Variants in PPA1 observed in about 807,000 individuals in gnomAD.
PPA1 encodes inorganic pyrophosphatase 1.
A neutral mutation model predicts 41.8 loss-of-function variants in PPA1; 23 were observed. That is an observed-to-expected ratio of 0.55 (90% CI 0.40 to 0.78). The LOEUF (loss-of-function observed/expected upper bound fraction) is 0.78, where lower values mean the gene tolerates loss of function less well. Among genes scored for constraint, PPA1 ranks in the 30% least tolerant of loss-of-function variants. The pLI is 0.00. For missense variants in PPA1, 320 were observed against 361.6 expected (o/e 0.89, Z 0.93); for synonymous variants, 101 against 116.8 (o/e 0.86, Z 0.87).
intron 1 of PPA1, among the ~76,000 whole-genome samples, chr10:70,233,004 C>T (rs1196392916): frequency 6.6e-6 from 1 of 152,192 alleles, no homozygotes; most frequent in Non-Finnish European, 1.5e-5. Context: ...ACTAGCTGGG[C>T]CCAGGTTCGG....
chr10:70,206,614 G>A (rs916555736), intron 8 of PPA1, among the ~76,000 whole-genome samples: 9 of 151,886 alleles, frequency 5.9e-5, no homozygotes, highest in Admixed American at 3.9e-4. Flanking sequence ...GGGAGGCTGA[G>A]GCAGGCGGAT....
At position 70,206,152 on chromosome 10, in the gene PPA1, T is replaced by G. The variant is rs577408819; in HGVS notation, c.795+112A>C. The G allele has an allele frequency of 1.0e-5, 8 of 801,468 alleles. No individual in the cohort carries two copies. The African/African-American group carries it at 1.4e-4, about 14-fold the overall frequency. The allele number at this position is 801,468 out of a possible 1,614,324, so 49.6% of individuals were successfully genotyped here. A position where few individuals can be genotyped will look rare whatever the true frequency, so the allele number is the denominator to read the frequency against. On this transcript the variant is annotated intron_variant, in intron 9 of 10. Transcript: ENST00000373232. ...AATTTCAAGACTCCACACAGTAACA[T>G]GCATACAAAAGGCACTCAAGTATTT... is the stretch of plus-strand genomic sequence containing the variant.
At chr10:70,225,044 C>A (rs1840213361) in intron 2 of PPA1, among the ~76,000 whole-genome samples, 1 of 152,286 alleles carries the variant, frequency 6.6e-6, no homozygotes, top group African/African-American at 2.4e-5. Context: ...AGATTTATTT[C>A]TAACCCTGGA....
chr10:70,219,564 C>G (rs890777960), intron 2 of PPA1, among the ~76,000 whole-genome samples: 1 of 152,138 alleles, frequency 6.6e-6, no homozygotes, highest in Admixed American at 6.6e-5. Flanking sequence ...CTTCATTATC[C>G]ACATTATTCT....
chr10:70,228,748 G>T (rs1589899428), intron 2 of PPA1, among the ~76,000 whole-genome samples: 1 of 152,146 alleles, frequency 6.6e-6, no homozygotes, highest in East Asian at 1.9e-4. Context: ...CCTCTAATTG[G>T]AGTCTTACCC....
At chr10:70,208,021 C>T (rs928241189) in intron 8 of PPA1, among the ~76,000 whole-genome samples, 5 of 152,130 alleles carry the variant, frequency 3.3e-5, no homozygotes, top group African/African-American at 1.2e-4. Flanking sequence ...AAAACCCCGT[C>T]TCTACTAAAA....
chr10:70,213,899 G>T (rs1021418710), intron 5 of PPA1, among the ~76,000 whole-genome samples: 2 of 152,050 alleles, frequency 1.3e-5, no homozygotes, highest in Admixed American at 1.3e-4. Flanking sequence ...TCTCAAATAC[G>T]TATCTTAATA....
At chr10:70,207,850 C>A (rs2136752571) in intron 8 of PPA1, among the ~76,000 whole-genome samples, 1 of 152,078 alleles carries the variant, frequency 6.6e-6, no homozygotes, top group Admixed American at 6.5e-5. Context: ...TTCAAGTTTT[C>A]CTATATATTA....
At chr10:70,215,682 T>C (rs1002982305) in intron 4 of PPA1, among the ~76,000 whole-genome samples, 1 of 152,018 alleles carries the variant, frequency 6.6e-6, no homozygotes, top group African/African-American at 2.4e-5. Flanking sequence ...GGTTTCACCA[T>C]GTTGGCCAGA....
chr10:70,232,354 C>G (rs1338396931), intron 1 of PPA1, among the ~76,000 whole-genome samples: 1 of 152,136 alleles, frequency 6.6e-6, no homozygotes, highest in Non-Finnish European at 1.5e-5. Flanking sequence ...TCCGTTATCG[C>G]CCATAATCTA....
At chr10:70,228,882 A>AT (rs1840259243) in intron 2 of PPA1, among the ~76,000 whole-genome samples, 1 of 152,250 alleles carries the variant, frequency 6.6e-6, no homozygotes, top group South Asian at 2.1e-4. Flanking sequence ...CCAGAAAAAC[A>AT]GTAAGACAGC....
chr10:70,217,961 T>A (rs201318676), intron 3 of PPA1, 30 bp from the exon 4 acceptor site: 6 of 1,504,186 alleles, frequency 4.0e-6, no homozygotes, highest in Non-Finnish European at 5.4e-6. Context: ...AATCTTTGCA[T>A]ATTTGGATGT....
At chr10:70,212,823 CAAA>C (rs59163604) in intron 6 of PPA1, among the ~76,000 whole-genome samples, 6 of 124,166 alleles carry the variant, frequency 4.8e-5, no homozygotes, top group Middle Eastern at 4.1e-3. Context: ...AATTTACCAC[CAAA>C]AAAAAAAAAA....
At chr10:70,213,737 A>C in intron 5 of PPA1, 148 bp from the exon 6 acceptor site, 1 of 921,684 alleles carries the variant, frequency 1.1e-6, no homozygotes, top group Non-Finnish European at 1.6e-6. Flanking sequence ...AAAAACCTAA[A>C]TGAGTAAATG....
At chr10:70,214,391 T>C in intron 5 of PPA1, 109 bp downstream of exon 5, 2 of 838,800 alleles carry the variant, frequency 2.4e-6, no homozygotes, top group South Asian at 1.7e-5. Context: ...GAGACATCAT[T>C]ATTTCACTAA....
At chr10:70,224,360 A>C (rs1371686510) in intron 2 of PPA1, among the ~76,000 whole-genome samples, 3 of 152,226 alleles carry the variant, frequency 2.0e-5, no homozygotes, top group African/African-American at 4.8e-5. Flanking sequence ...AGGAAACTGG[A>C]AACTCAACAA....
Position 70,206,460 on chromosome 10 carries a change from C to T in PPA1, c.726-127G>A, listed in dbSNP as rs1043395841. The T allele has an allele frequency of 1.1e-5, 7 of 660,558 alleles. No individual in the cohort carries two copies. In the African/African-American group the frequency reaches 1.1e-4, roughly 10 times the overall value. The allele number at this position is 660,558 out of a possible 1,614,324, so 40.9% of individuals were successfully genotyped here. A position where few individuals can be genotyped will look rare whatever the true frequency, so the allele number is the denominator to read the frequency against. On this transcript the variant is annotated intron_variant, in intron 8 of 10. Coordinates refer to ENST00000373232, the MANE Select transcript of PPA1 (RefSeq NM_021129.4). ...TTAGTTTAGTCGAAAGCTTTTTCACCTACATTTAACATTCTAATTATGTAT... is the reference window on the plus strand; with the variant it reads ...TTAGTTTAGTCGAAAGCTTTTTCACTTACATTTAACATTCTAATTATGTAT...
chr10:70,210,512 CA>C, intron 6 of PPA1: 1 of 1,095,610 alleles, frequency 9.1e-7, no homozygotes, highest in South Asian at 1.4e-5. Flanking sequence ...AGGCACTGTA[CA>C]TAACAATACT....
chr10:70,218,296 C>G, intron 3 of PPA1: 1 of 179,490 alleles, frequency 5.6e-6, no homozygotes. Flanking sequence ...TAAAATTATT[C>G]AAATACTTGG....
Sources: allele counts gnomAD v4.1 joint callset (sites outside exome capture counted in the v4.1 genomes callset), GRCh38; gene constraint gnomAD v4.1.1; transcripts MANE v1.5; gene names NCBI Gene and HGNC (gene_info 2026-07-23, HGNC 2026-07-21).